The following SLCO5A1 variants were observed in gnomAD, a reference collection of about 807,000 sequenced individuals.
SLCO5A1 encodes solute carrier organic anion transporter family member 5A1.
A neutral mutation model predicts 65.1 loss-of-function variants in SLCO5A1; 39 were observed. The observed-to-expected ratio is 0.60, with a 90% CI of 0.46 to 0.78. The LOEUF (loss-of-function observed/expected upper bound fraction) is 0.78. Among genes scored for constraint, SLCO5A1 ranks in the 30% least tolerant of loss-of-function variants. The probability of loss-of-function intolerance (pLI) is 0.00; values close to 1 mark genes in which losing one functional copy is unlikely to be tolerated. For synonymous variants in SLCO5A1, 438 were observed against 415.7 expected, an observed-to-expected ratio of 1.05 and a Z score of -0.65; for missense variants, 1,029 against 1,069.4, an observed-to-expected ratio of 0.96 and a Z score of 0.53.
intron 2 of SLCO5A1, among the ~76,000 whole-genome samples, chr8:69,789,205 T>C (rs1201468120): frequency 1.3e-5 from 2 of 152,234 alleles, no homozygotes; most frequent in African/African-American, 4.8e-5. Context: ...CTTCAGCCAA[T>C]CTACCAAAGC....
chr8:69,686,231 C>CA lies in SLCO5A1; in HGVS notation c.1623-3889dup, dbSNP rs3060023. Among the ~76,000 whole-genome samples the CA allele has an allele frequency of 2.6e-3, 369 of 141,748 alleles. 3 individuals carry two copies. Among genetic ancestry groups the CA allele is most frequent in the African/African-American group, 6.5e-3 (234 of 36,118 alleles). The allele number at this position is 141,748 out of a possible 152,430, so 93.0% of individuals were successfully genotyped here. ...GACTAAAAGAACATGCTTCACACAG[C>CA]AAAAAAAAGAGAGAGAAGACCTCTT... On this transcript the variant is annotated intron_variant, in intron 6 of 9. Transcript: ENST00000260126.
chr8:69,784,852 A>AAAGAAAGAAAGAAAGAAAGG (rs1818955632), intron 2 of SLCO5A1, among the ~76,000 whole-genome samples: 1 of 141,124 alleles, frequency 7.1e-6, no homozygotes, highest in African/African-American at 2.5e-5. Flanking sequence ...AGAAAGAAAG[A>AAAGAAAGAAAGAAAGAAAGG]AAGAAAGAAA....
intron 4 of SLCO5A1, among the ~76,000 whole-genome samples, chr8:69,748,576 T>C (rs1817142046): frequency 6.6e-6 from 1 of 152,202 alleles, no homozygotes; most frequent in African/African-American, 2.4e-5. Context: ...AAGAATTAAA[T>C]GTGGCCATAA....
At chr8:69,798,511 A>T (rs1295467933) in intron 2 of SLCO5A1, among the ~76,000 whole-genome samples, 2 of 152,174 alleles carry the variant, frequency 1.3e-5, no homozygotes, top group African/African-American at 4.8e-5. Context: ...GAGAGGGAAG[A>T]GGTGCTACAC....
At chr8:69,775,311 T>A (rs1351457012) in intron 2 of SLCO5A1, among the ~76,000 whole-genome samples, 8 of 152,182 alleles carry the variant, frequency 5.3e-5, no homozygotes, top group Admixed American at 5.2e-4. Flanking sequence ...TACAAATGTA[T>A]AAGAAGCAGC....
At chr8:69,748,447 A>G (rs1400556972) in intron 4 of SLCO5A1, among the ~76,000 whole-genome samples, 1 of 152,232 alleles carries the variant, frequency 6.6e-6, no homozygotes, top group Non-Finnish European at 1.5e-5. Context: ...TGCAAGTCCA[A>G]ATCTAAAGAT....
chr8:69,829,001 CA>C (rs1431385165), intron 2 of SLCO5A1, among the ~76,000 whole-genome samples: 3 of 152,130 alleles, frequency 2.0e-5, no homozygotes, highest in Admixed American at 6.6e-5. Context: ...AGGCAAAGAT[CA>C]GCAAGAATAT....
At chr8:69,736,157 C>T (rs563192203) in intron 5 of SLCO5A1, among the ~76,000 whole-genome samples, 1 of 152,316 alleles carries the variant, frequency 6.6e-6, no homozygotes, top group African/African-American at 2.4e-5. Context: ...ATGGGATGAA[C>T]ACTGTGAGTT....
chr8:69,744,141 T>G (rs188673259), intron 4 of SLCO5A1, among the ~76,000 whole-genome samples: 15 of 152,224 alleles, frequency 9.9e-5, no homozygotes, highest in African/African-American at 3.6e-4. Flanking sequence ...TATCATGTCT[T>G]TTTGCTGTTG....
chr8:69,748,211 G>A (rs10106297), intron 4 of SLCO5A1, among the ~76,000 whole-genome samples: 14,464 of 152,152 alleles, frequency 0.095, 1,062 homozygotes, highest in African/African-American at 0.2. Context: ...TACGACAAGG[G>A]GGTACACATG....
At chr8:69,772,275 C>T (rs1156257641) in intron 2 of SLCO5A1, among the ~76,000 whole-genome samples, 2 of 152,140 alleles carry the variant, frequency 1.3e-5, no homozygotes, top group African/African-American at 2.4e-5. Context: ...AATCCCAGCA[C>T]TCTGGGAGGT....
At chr8:69,703,321 CACAT>C (rs1478939248) in intron 6 of SLCO5A1, among the ~76,000 whole-genome samples, 1 of 152,060 alleles carries the variant, frequency 6.6e-6, no homozygotes, top group Middle Eastern at 3.2e-3. Context: ...ATTTATCCTG[CACAT>C]ACAGAGCACA....
chr8:69,735,515 T>G (rs1026870561), intron 5 of SLCO5A1, among the ~76,000 whole-genome samples: 2 of 152,192 alleles, frequency 1.3e-5, no homozygotes, highest in Non-Finnish European at 1.5e-5. Context: ...TCATGTCATA[T>G]GCAGGGGCAT....
At chr8:69,830,619 C>T (rs1430353761) in intron 2 of SLCO5A1, among the ~76,000 whole-genome samples, 1 of 152,106 alleles carries the variant, frequency 6.6e-6, no homozygotes, top group Non-Finnish European at 1.5e-5. Flanking sequence ...GGTTCAAATC[C>T]ATCCCTTAGA....
intron 2 of SLCO5A1, among the ~76,000 whole-genome samples, chr8:69,796,185 C>T (rs1181819009): frequency 6.6e-6 from 1 of 152,018 alleles, no homozygotes; most frequent in East Asian, 1.9e-4. Context: ...TAGTATTTGT[C>T]TTACTTTTAA....
chr8:69,711,239 C>T (rs970678955), intron 5 of SLCO5A1, among the ~76,000 whole-genome samples: 1 of 152,098 alleles, frequency 6.6e-6, no homozygotes, highest in African/African-American at 2.4e-5. Context: ...AATTCACGTC[C>T]CTGGCTGGTG....
chr8:69,828,748 T>C (rs1302396343), intron 2 of SLCO5A1, among the ~76,000 whole-genome samples: 2 of 152,242 alleles, frequency 1.3e-5, no homozygotes, highest in Non-Finnish European at 2.9e-5. Context: ...ATGCTGGGAC[T>C]GTGTCTCACT....
chr8:69,746,453 G>A (rs1586751897), intron 4 of SLCO5A1, among the ~76,000 whole-genome samples: 1 of 152,018 alleles, frequency 6.6e-6, no homozygotes, highest in South Asian at 2.1e-4. Flanking sequence ...ATTCACATTG[G>A]GCACAGAGAC....
chr8:69,682,134 T>G (rs1813809821), intron 7 of SLCO5A1, 50 bp downstream of exon 7: 1 of 1,547,720 alleles, frequency 6.5e-7, no homozygotes, highest in African/African-American at 1.4e-5. Context: ...ATCACATCCT[T>G]GTCACAGGAT....
Sources: allele counts gnomAD v4.1 joint callset (sites outside exome capture counted in the v4.1 genomes callset), GRCh38; gene constraint gnomAD v4.1.1; transcripts MANE v1.5; gene names NCBI Gene and HGNC (gene_info 2026-07-23, HGNC 2026-07-21).